The following ZNF814 variants were observed in gnomAD, a reference collection of about 807,000 sequenced individuals.
The protein encoded by ZNF814 is zinc finger protein 814.
Under a neutral mutation model 7.5 loss-of-function variants are expected in ZNF814, and 5 were observed. That is an observed-to-expected ratio of 0.67 (90% CI 0.35 to 1.40). The LOEUF (loss-of-function observed/expected upper bound fraction) is 1.40, where lower values mean the gene tolerates loss of function less well. ZNF814 is among the 40% of genes most tolerant of loss of function. The probability of loss-of-function intolerance (pLI) is 0.04; values close to 1 mark genes in which losing one functional copy is unlikely to be tolerated. For missense variants in ZNF814, 962 were observed against 1,018.0 expected (o/e 0.94, Z 0.75); for synonymous variants, 315 against 340.7 (o/e 0.92, Z 0.83).
At position 57,888,604 on chromosome 19, in the gene ZNF814, T is replaced by TCC. The variant is rs2071712845; in HGVS notation, c.36+161_36+162dup. On this transcript the variant is annotated intron_variant, in intron 1 of 2. Transcript: ENST00000435989. ...GCGCCAGTCCCTGTACCTGCCGGTC[T>TCC]CCCCACCGCATCCCACGGGTGTCAG... Among the ~76,000 whole-genome samples the TCC allele has an allele frequency of 3.3e-5, 5 of 152,004 alleles. No homozygotes were observed. The South Asian group carries it at 1.0e-3, about 32-fold the overall frequency.
Position 57,873,080 on chromosome 19 carries a change from C to CT in ZNF814, c.2309dup (p.Pro771AlafsTer3). On this transcript the variant is annotated frameshift_variant, in exon 3 of 3. Transcript: ENST00000435989. LOFTEE classifies it low-confidence loss of function (END_TRUNC). ...TTCCACATTCACTGCACTCATAAGG[C>CT]TTTTCTCCAGTGTGAATTCGCTTAT... is the stretch of plus-strand genomic sequence containing the variant. 1 of 1,613,746 alleles carries CT rather than the reference C, an allele frequency of 6.2e-7. No individual in the cohort carries two copies. Among genetic ancestry groups the CT allele is most frequent in the Non-Finnish European group, 8.5e-7 (1 of 1,179,896 alleles).
chr19:57,876,696 A>T (rs1231220034), intron 2 of ZNF814: 1 of 644,112 alleles, frequency 1.6e-6, no homozygotes, highest in Non-Finnish European at 2.4e-6. Flanking sequence ...TCTGACTGGG[A>T]ATCCCTCCCT....
intron 1 of ZNF814, among the ~76,000 whole-genome samples, chr19:57,886,283 G>A (rs1201396534): frequency 6.6e-6 from 1 of 151,922 alleles, no homozygotes; most frequent in Non-Finnish European, 1.5e-5. Flanking sequence ...CCCCTCCTTG[G>A]CCCTGGAGTC....
chr19:57,889,551 C>T (rs990790416), upstream of ZNF814, among the ~76,000 whole-genome samples: 2 of 152,008 alleles, frequency 1.3e-5, no homozygotes, highest in African/African-American at 4.8e-5. Flanking sequence ...GGCAACAGAA[C>T]GAGACCTCTT....
upstream of ZNF814, among the ~76,000 whole-genome samples, chr19:57,889,489 C>T (rs1355126357): frequency 6.6e-6 from 1 of 152,142 alleles, no homozygotes; most frequent in Non-Finnish European, 1.5e-5. Context: ...CGCTTGAGCT[C>T]AGGAGTTCGA....
At position 57,875,868 on chromosome 19, in the gene ZNF814, C is replaced by A. The variant is rs539334271; in HGVS notation, c.164-642G>T. 2.1e-3 allele frequency among the ~76,000 whole-genome samples: 315 copies of A among 150,332 alleles called. 1 individual carries two copies. Among genetic ancestry groups the A allele is most frequent in the African/African-American group, 7.3e-3 (298 of 40,998 alleles). Reference sequence around the variant, plus strand: ...TGTGCCTACTTGCCTTGCCACAAAACTACTACTAAAATAGAACAGGTTGTT... The same window carrying A: ...TGTGCCTACTTGCCTTGCCACAAAAATACTACTAAAATAGAACAGGTTGTT... On this transcript the variant is annotated intron_variant, in intron 2 of 2. Transcript: ENST00000435989.
intron 1 of ZNF814, among the ~76,000 whole-genome samples, chr19:57,885,446 T>C (rs2071683065): frequency 6.6e-6 from 1 of 151,786 alleles, no homozygotes; most frequent in South Asian, 2.1e-4. Context: ...CTGGCCAAGA[T>C]GGTGAAACCC....
rs377244937 is a variant in ZNF814 at position 57,873,942 on chromosome 19, T to A, written c.1448A>T (p.Gln483Leu). 9 of 1,614,106 alleles carry A rather than the reference T, an allele frequency of 5.6e-6. No homozygotes were observed. The Admixed American group carries it at 1.5e-4, about 27-fold the overall frequency. The change falls in exon 3 of 3, where the codon CAG becomes CTG. Residue 483 changes from glutamine (Q) to leucine (L), a missense_variant. Physicochemically the swap from Gln to Leu is moderately radical, Grantham distance 113. This residue lies in a region of ZNF814 where 665 missense variants were observed against 551.4 expected (regional missense o/e 1.21). Coordinates refer to ENST00000435989, the MANE Select transcript of ZNF814 (RefSeq NM_001144989.2). ...AGGTCTTTCTCCACTGTGAACTCGC[T>A]GATGGTGAACAAGGCTGCGCTTATG... is the stretch of plus-strand genomic sequence containing the variant. ...FSHKRSLVHH[Q>L]RVHSGERPYQ...
chr19:57,900,940 G>A, the ZNF814 span, among the ~76,000 whole-genome samples: 3 of 140,250 alleles, frequency 2.1e-5, no homozygotes, highest in South Asian at 2.3e-4. Context: ...TCCGCCTCCC[G>A]GGTTCACGCC....
rs775137712 is a variant in ZNF814, at chr19:57,871,809, T to TTA, written c.*1012_*1013insTA. 4 of 125,918 alleles carry TTA rather than the reference T, an allele frequency of 3.2e-5. No individual in the cohort carries two copies. Among genetic ancestry groups the TTA allele is most frequent in the Non-Finnish European group, 5.1e-5 (3 of 59,070 alleles). 7.8% of individuals were successfully genotyped at this position (125,918 alleles called of 1,614,324 possible). On this transcript the variant is annotated 3_prime_UTR_variant, in exon 3 of 3. Coordinates refer to ENST00000435989, the MANE Select transcript of ZNF814 (RefSeq NM_001144989.2). ...TGTGACTCGATCAGAAATTAAAAGTTAAAAAAAAAAAAAAAAAAGGCCAGG... is the reference window on the plus strand; with the variant it reads ...TGTGACTCGATCAGAAATTAAAAGTTTAAAAAAAAAAAAAAAAAAAGGCCAGG...
rs2079019291 is a variant in ZNF814 at position 57,869,875 on chromosome 19, G to A, written c.*2947C>T. The A allele has an allele frequency of 6.6e-6, 1 of 150,836 alleles. No individual in the cohort carries two copies. The highest frequency in any genetic ancestry group is 2.4e-5 in the African/African-American group (1 of 40,894). The allele number at this position is 150,836 out of a possible 1,614,324, so 9.3% of individuals were successfully genotyped here. A position where few individuals can be genotyped will look rare whatever the true frequency, so the allele number is the denominator to read the frequency against. On this transcript the variant is annotated 3_prime_UTR_variant, in exon 3 of 3. Coordinates refer to ENST00000435989, the MANE Select transcript of ZNF814 (RefSeq NM_001144989.2). ...CAGGAGAATTGCTTGAACCTAGGAG[G>A]TAGAGGTTGCAATGAGCCAAGGTCA...
chr19:57,893,705 G>A (rs1186112475), upstream of ZNF814, among the ~76,000 whole-genome samples: 1 of 151,450 alleles, frequency 6.6e-6, no homozygotes, highest in African/African-American at 2.4e-5. Flanking sequence ...GATCACTTGA[G>A]GCCAGGAGTT....
chr19:57,888,583 C>A (rs975854478), intron 1 of ZNF814, among the ~76,000 whole-genome samples, 184 bp downstream of exon 1: 1 of 152,170 alleles, frequency 6.6e-6, no homozygotes, highest in Non-Finnish European at 1.5e-5. Context: ...TTGCCCGCGC[C>A]AGTCCCTGTA....
chr19:57,904,722 T>C, the ZNF814 span, among the ~76,000 whole-genome samples: 5 of 152,298 alleles, frequency 3.3e-5, no homozygotes, highest in East Asian at 3.9e-4. Context: ...ACAGTTTAAA[T>C]TGAAGGTGCT....
the ZNF814 span, among the ~76,000 whole-genome samples, chr19:57,904,862 T>A: frequency 6.7e-6 from 1 of 148,868 alleles, no homozygotes; most frequent in Non-Finnish European, 1.5e-5. Context: ...ACTAGCTTGA[T>A]CAACATGGAG....
At position 57,869,826 on chromosome 19, in the gene ZNF814, TC is replaced by T. The variant is rs1204192693; in HGVS notation, c.*2995del. On this transcript the variant is annotated 3_prime_UTR_variant, in exon 3 of 3. Coordinates refer to ENST00000435989, the MANE Select transcript of ZNF814 (RefSeq NM_001144989.2). Reference sequence around the variant, plus strand: ...CGGGCATGGTGGCACATGCTTCCAGTCCCACCTACATGGGAGGCTGAGCCAG... The same window carrying T: ...CGGGCATGGTGGCACATGCTTCCAGTCCACCTACATGGGAGGCTGAGCCAG... 1.3e-5 allele frequency: 2 copies of T among 151,420 alleles called. No individual in the cohort carries two copies. The highest frequency in any genetic ancestry group is 1.3e-4 in the Admixed American group (2 of 15,118). 9.4% of individuals were successfully genotyped at this position (151,420 alleles called of 1,614,324 possible).
At position 57,880,042 on chromosome 19, in the gene ZNF814, A is replaced by C. The variant is rs550639266; in HGVS notation, c.37-3000T>G. 6.4e-3 allele frequency among the ~76,000 whole-genome samples: 749 copies of C among 117,368 alleles called. 39 individuals carry two copies. Among genetic ancestry groups the C allele is most frequent in the African/African-American group, 0.025 (719 of 28,366 alleles). 77.0% of individuals were successfully genotyped at this position (117,368 alleles called of 152,430 possible). A position where few individuals can be genotyped will look rare whatever the true frequency, so the allele number is the denominator to read the frequency against. On this transcript the variant is annotated intron_variant, in intron 1 of 2. Transcript: ENST00000435989. ...AACCTGGGAGGCAGAGGTTGCAGTG[A>C]GCAGAGATCATGCTACTGCACTCCA... is the stretch of plus-strand genomic sequence containing the variant.
rs2071571767 is a variant in ZNF814 at position 57,873,199 on chromosome 19, G to T, written c.2191C>A (p.Leu731Ile). Reference sequence around the variant, plus strand: ...GTGTGAACTCTCTGATGTGCAATGAGTTGGTACTTGTTTCTAAAAAATTTC... The same window carrying T: ...GTGTGAACTCTCTGATGTGCAATGATTTGGTACTTGTTTCTAAAAAATTTC... ...CQKFFRNKYQLIAHQRVHTGE... is the reference protein window; with the variant it reads ...CQKFFRNKYQIIAHQRVHTGE... The change falls in exon 3 of 3, where the codon CTC becomes ATC. Residue 731 changes from leucine to isoleucine, a missense_variant. Leu to Ile is a conservative substitution (Grantham distance 5). Coordinates refer to ENST00000435989, the MANE Select transcript of ZNF814 (RefSeq NM_001144989.2). 1 of 1,612,734 alleles carries T rather than the reference G, an allele frequency of 6.2e-7. No homozygotes were observed. The highest frequency in any genetic ancestry group is 1.1e-5 in the South Asian group (1 of 90,830).
rs368525672 is a variant in ZNF814 at position 57,873,398 on chromosome 19, T to C, written c.1992A>G (p.Glu664=). The change falls in exon 3 of 3, where the codon GAA becomes GAG. Residue 664 remains glutamate, a synonymous_variant. Transcript: ENST00000435989. ...CCTTGTGACTAAAACATTTCCCACA[T>C]TCCCCACACTTAAAAGGTCTTTCTG... ...HTTERPFKCG[E]CGKCFSHKGN... is the part of the protein sequence containing the mutation. 2.2e-5 allele frequency: 35 copies of C among 1,610,598 alleles called. No individual in the cohort carries two copies. Among genetic ancestry groups the C allele is most frequent in the Non-Finnish European group, 2.7e-5 (32 of 1,178,366 alleles).
Sources: gnomAD v4.1 joint callset for allele counts (sites outside exome capture counted in the v4.1 genomes callset) on GRCh38, gnomAD v4.1.1 for gene constraint, gnomAD v4.1.1 regional missense constraint, MANE v1.5 for transcripts, NCBI Gene and HGNC (gene_info 2026-07-23, HGNC 2026-07-21) for gene names.